Variants in TEKTIP1 observed in about 807,000 individuals in gnomAD.
The protein encoded by TEKTIP1 is tektin bundle-interacting protein 1.
chr19:3,543,476 G>A, the TEKTIP1 span: 1 of 1,524,818 alleles, frequency 6.6e-7, no homozygotes. Context: ...GCCATCGGGT[G>A]AGTGCCCCCC....
At chr19:3,541,958 C>CATCACCACACCTG in the TEKTIP1 span, 7 of 387,282 alleles carry the variant, frequency 1.8e-5, no homozygotes, top group East Asian at 1.6e-4. Flanking sequence ...CACAGGTGTC[C>CATCACCACACCTG]ATCACCACAC....
At chr19:3,539,207 G>A in the TEKTIP1 span, 3 of 1,549,078 alleles carry the variant, frequency 1.9e-6, no homozygotes, top group African/African-American at 4.2e-5. Context: ...AGGCTGCACG[G>A]CCCTGTATCC....
chr19:3,540,625 A>G, the TEKTIP1 span, among the ~76,000 whole-genome samples: 5 of 151,406 alleles, frequency 3.3e-5, no homozygotes, highest in Non-Finnish European at 7.4e-5. Flanking sequence ...CACGCCTGTA[A>G]TTCCAGCACT....
chr19:3,542,370 G>A, the TEKTIP1 span: 91 of 985,300 alleles, frequency 9.2e-5, no homozygotes, highest in Non-Finnish European at 1.0e-4. Flanking sequence ...AGATTGTTTT[G>A]AACCCTGCTA....
At chr19:3,544,007 A>C in the TEKTIP1 span, 1 of 1,537,392 alleles carries the variant, frequency 6.5e-7, no homozygotes, top group Admixed American at 2.0e-5. Flanking sequence ...CCACTCCCCG[A>C]TAAAGGCATG....
At chr19:3,541,643 A>T in the TEKTIP1 span, 292 of 984,236 alleles carry the variant, frequency 3.0e-4, 3 homozygotes, top group Admixed American at 0.014. Flanking sequence ...TCTATTTTTT[A>T]AAAAAATGGA....
chr19:3,542,204 C>T, the TEKTIP1 span: 1 of 985,382 alleles, frequency 1.0e-6, no homozygotes, highest in Non-Finnish European at 1.2e-6. Flanking sequence ...AATTGCCTTT[C>T]TAGTGGAAAA....
chr19:3,543,833 C>T, the TEKTIP1 span: 1 of 1,530,958 alleles, frequency 6.5e-7, no homozygotes, highest in Non-Finnish European at 8.8e-7. Flanking sequence ...CTACAGTGCT[C>T]AACAGGAACC....
At chr19:3,539,265 GC>G in the TEKTIP1 span, 1 of 1,542,330 alleles carries the variant, frequency 6.5e-7, no homozygotes, top group Non-Finnish European at 8.8e-7. Context: ...GTACAGGTGA[GC>G]CCCTCCCTAC....
At chr19:3,540,782 G>C in the TEKTIP1 span, among the ~76,000 whole-genome samples, 2 of 151,266 alleles carry the variant, frequency 1.3e-5, no homozygotes, top group South Asian at 4.2e-4. Context: ...GGGAGGCTGA[G>C]GCAGGAGAAT....
chr19:3,540,449 G>T, the TEKTIP1 span, among the ~76,000 whole-genome samples: 1 of 151,394 alleles, frequency 6.6e-6, no homozygotes, highest in Non-Finnish European at 1.5e-5. Context: ...GTAGAGACGG[G>T]GTTTCACCAT....
At chr19:3,542,109 C>T in the TEKTIP1 span, 4 of 985,130 alleles carry the variant, frequency 4.1e-6, no homozygotes, top group African/African-American at 1.7e-5. Context: ...TGCGCCCAGA[C>T]AATTTTGTGC....
At chr19:3,541,744 G>GT in the TEKTIP1 span, 1 of 985,394 alleles carries the variant, frequency 1.0e-6, no homozygotes, top group Non-Finnish European at 1.2e-6. Context: ...AAAGTAGTGA[G>GT]TGGCAGGTGG....
At chr19:3,543,866 G>T in the TEKTIP1 span, 76 of 1,549,164 alleles carry the variant, frequency 4.9e-5, no homozygotes, top group Non-Finnish European at 5.5e-5. Flanking sequence ...AGCCACTGTG[G>T]AGGGCATCAG....
chr19:3,543,572 C>T, the TEKTIP1 span: 22 of 1,541,048 alleles, frequency 1.4e-5, no homozygotes, highest in East Asian at 4.9e-5. Context: ...CCAGCACCTG[C>T]GGGAGACCGC....
At chr19:3,539,944 A>T in the TEKTIP1 span, 1 of 152,174 alleles carries the variant, frequency 6.6e-6, no homozygotes, top group African/African-American at 2.4e-5. Context: ...CTCCATTTCC[A>T]AGGAAAGAAA....
At chr19:3,542,740 C>T in the TEKTIP1 span, 5 of 1,333,100 alleles carry the variant, frequency 3.8e-6, no homozygotes, top group African/African-American at 7.5e-5. Flanking sequence ...GCCTCAGCCT[C>T]CCAAAGTGCT....
chr19:3,543,037 G>T, the TEKTIP1 span: 1 of 1,606,428 alleles, frequency 6.2e-7, no homozygotes, highest in Non-Finnish European at 8.5e-7. Context: ...GTGGGGAGAG[G>T]GGGAGTCAGC....
the TEKTIP1 span, chr19:3,543,643 G>T: frequency 2.6e-6 from 4 of 1,543,638 alleles, no homozygotes; most frequent in Non-Finnish European, 2.6e-6. Context: ...GGGGGAGCGC[G>T]CTGTGGAAAG....
Sources: allele counts gnomAD v4.1 joint callset (sites outside exome capture counted in the v4.1 genomes callset), GRCh38; gene constraint gnomAD v4.1.1; transcripts MANE v1.5; gene names NCBI Gene and HGNC (gene_info 2026-07-23, HGNC 2026-07-21).